The following GRIA1 variants were observed in gnomAD, a reference collection of about 807,000 sequenced individuals.
GRIA1 encodes glutamate ionotropic receptor AMPA type subunit 1.
GRIA1 carries 31 observed loss-of-function variants against 99.2 expected under a neutral mutation model. The observed-to-expected ratio is 0.31, with a 90% CI of 0.23 to 0.42. The LOEUF is 0.42. Ranked by LOEUF, GRIA1 falls within the 10% of genes least tolerant of loss-of-function variation. The pLI, the probability that GRIA1 is intolerant of heterozygous loss-of-function variation, is 1.00. For missense variants in GRIA1, 782 were observed against 1,157.5 expected, an observed-to-expected ratio of 0.68 and a Z score of 4.71; for synonymous variants, 438 against 432.4, an observed-to-expected ratio of 1.01 and a Z score of -0.16.
At position 153,802,436 on chromosome 5, in the gene GRIA1, G is replaced by C. The variant is rs778802680; in HGVS notation, c.2466G>C (p.Leu822=). 1.9e-6 allele frequency: 3 copies of C among 1,613,974 alleles called. No individual in the cohort carries two copies. Among genetic ancestry groups the C allele is most frequent in the East Asian group, 4.5e-5 (2 of 44,858 alleles). ...ILIGGLGLAM[L]VALIEFCYKS... ...TCGGAGGACTTGGACTAGCCATGCT[G>C]GTTGCCTTAATCGAGTTCTGCTACA... Residue 822 remains leucine, a synonymous_variant, in exon 15 of 16, where the codon CTG becomes CTC. Transcript: ENST00000285900.
intron 2 of GRIA1, among the ~76,000 whole-genome samples, chr5:153,540,239 T>C (rs1758949029): frequency 6.6e-6 from 1 of 152,156 alleles, no homozygotes; most frequent in African/African-American, 2.4e-5. Context: ...CTTAGCGAGA[T>C]CTCTTGCAAA....
chr5:153,771,069 T>C (rs1763855229), intron 13 of GRIA1, among the ~76,000 whole-genome samples: 1 of 152,192 alleles, frequency 6.6e-6, no homozygotes, highest in African/African-American at 2.4e-5. Context: ...CCTGTAGACA[T>C]GGAGTCACAA....
At position 153,515,434 on chromosome 5, in the gene GRIA1, G is replaced by A. The variant is rs564829727; in HGVS notation, c.220+21369G>A. Among the ~76,000 whole-genome samples the A allele has an allele frequency of 9.2e-5, 14 of 152,272 alleles. 1 individual carries two copies. Among genetic ancestry groups the A allele is most frequent in the South Asian group, 2.1e-4 (1 of 4,822 alleles). On this transcript the variant is annotated intron_variant, in intron 2 of 15. Coordinates refer to ENST00000285900, the MANE Select transcript of GRIA1 (RefSeq NM_000827.4). ...TGTGAAATCTAAAAGCATCAAACTC[G>A]TAGAAGTAAAGAGTAGAATGGTGGT...
At chr5:153,549,749 C>A (rs1759958258) in intron 2 of GRIA1, among the ~76,000 whole-genome samples, 1 of 114,046 alleles carries the variant, frequency 8.8e-6, no homozygotes, top group African/African-American at 2.7e-5. Flanking sequence ...TCTAGAAATT[C>A]CAAGAAGATC....
chr5:153,651,294 C>T (rs2963947), intron 4 of GRIA1, among the ~76,000 whole-genome samples: 61,622 of 151,870 alleles, frequency 0.41, 13,191 homozygotes, highest in Non-Finnish European at 0.45. Context: ...CATTGTTTCC[C>T]TGAACATGCC....
At chr5:153,766,185 G>A (rs1430616889) in intron 12 of GRIA1, among the ~76,000 whole-genome samples, 1 of 152,182 alleles carries the variant, frequency 6.6e-6, no homozygotes, top group African/African-American at 2.4e-5. Context: ...AGAGCAGGAA[G>A]GTGCCTTAGA....
Position 153,705,692 on chromosome 5 carries a change from T to A in GRIA1, c.1453-5T>A. 1 of 1,262,230 alleles carries A rather than the reference T, an allele frequency of 7.9e-7. No individual in the cohort carries two copies. Among genetic ancestry groups the A allele is most frequent in the Non-Finnish European group, 1.0e-6 (1 of 981,074 alleles). The allele number at this position is 1,262,230 out of a possible 1,614,324, so 78.2% of individuals were successfully genotyped here. A position where few individuals can be genotyped will look rare whatever the true frequency, so the allele number is the denominator to read the frequency against. On this transcript the variant is annotated splice_polypyrimidine_tract_variant and splice_region_variant and intron_variant, in intron 10 of 15. Transcript: ENST00000285900. ...TTTTTTTTTTTTTTTTTTTTTTTTT[T>A]TCAGAGAGCAGATGTGGCTGTGGCT...
chr5:153,521,162 A>G (rs1271393047), intron 2 of GRIA1, among the ~76,000 whole-genome samples: 1 of 152,230 alleles, frequency 6.6e-6, no homozygotes, highest in Non-Finnish European at 1.5e-5. Flanking sequence ...GCTTGGCATG[A>G]AGGATGGAAA....
chr5:153,633,055 G>T (rs1238769854), intron 2 of GRIA1, among the ~76,000 whole-genome samples: 2 of 152,162 alleles, frequency 1.3e-5, no homozygotes, highest in African/African-American at 2.4e-5. Context: ...ATCTATGTGG[G>T]TGGGGCCTCA....
At chr5:153,802,214 A>G in intron 14 of GRIA1, 142 bp from the exon 15 acceptor site, 1 of 656,880 alleles carries the variant, frequency 1.5e-6, no homozygotes, top group Non-Finnish European at 2.7e-6. Context: ...ATGAATAAAT[A>G]GCCTATCCAG....
intron 13 of GRIA1, among the ~76,000 whole-genome samples, chr5:153,779,070 T>A (rs1764467169): frequency 6.6e-6 from 1 of 152,206 alleles, no homozygotes. Flanking sequence ...TTAAACCAAC[T>A]GTGCCATAAG....
intron 13 of GRIA1, among the ~76,000 whole-genome samples, chr5:153,776,859 A>T (rs1764287348): frequency 6.6e-6 from 1 of 152,208 alleles, no homozygotes; most frequent in Admixed American, 6.5e-5. Context: ...CTGGGACGAT[A>T]AAACATGCTT....
At chr5:153,530,199 G>A (rs1159221352) in intron 2 of GRIA1, among the ~76,000 whole-genome samples, 1 of 152,168 alleles carries the variant, frequency 6.6e-6, no homozygotes, top group Non-Finnish European at 1.5e-5. Flanking sequence ...GCCACAGAAA[G>A]GTTAAATAGC....
intron 2 of GRIA1, among the ~76,000 whole-genome samples, chr5:153,598,175 T>C (rs1764587637): frequency 6.6e-6 from 1 of 151,894 alleles, no homozygotes; most frequent in African/African-American, 2.4e-5. Context: ...TTATATATTA[T>C]GGCAATTATA....
chr5:153,536,957 G>C (rs957032467), intron 2 of GRIA1, among the ~76,000 whole-genome samples: 10 of 152,088 alleles, frequency 6.6e-5, no homozygotes, highest in Non-Finnish European at 2.9e-5. Context: ...ACAGACCTTG[G>C]GTGAGTTAGT....
intron 2 of GRIA1, among the ~76,000 whole-genome samples, chr5:153,583,035 C>A (rs1331742709): frequency 6.6e-6 from 1 of 152,034 alleles, no homozygotes; most frequent in Non-Finnish European, 1.5e-5. Flanking sequence ...TGACCTCAAG[C>A]AATTCTCCCA....
In GRIA1 at chr5:153,764,246, C is replaced by T. The variant is rs531426291; in HGVS notation, c.1824-188C>T. Among the ~76,000 whole-genome samples the T allele has an allele frequency of 1.1e-4, 16 of 152,220 alleles. No homozygotes were observed. The South Asian group carries it at 1.2e-3, about 12-fold the overall frequency. Reference sequence around the variant, plus strand: ...GACAGCAACCCCACAGATCCATGTCCGTAATAAGGAACAAAATATGGAGTC... The same window carrying T: ...GACAGCAACCCCACAGATCCATGTCTGTAATAAGGAACAAAATATGGAGTC... On this transcript the variant is annotated intron_variant, in intron 11 of 15. Coordinates refer to ENST00000285900, the MANE Select transcript of GRIA1 (RefSeq NM_000827.4).
At chr5:153,579,180 C>T (rs1762829871) in intron 2 of GRIA1, among the ~76,000 whole-genome samples, 2 of 152,180 alleles carry the variant, frequency 1.3e-5, no homozygotes, top group Non-Finnish European at 2.9e-5. Context: ...TTCCCCAAAG[C>T]TCTGACTCCT....
intron 2 of GRIA1, among the ~76,000 whole-genome samples, chr5:153,565,217 G>A (rs148038137): frequency 8.2e-4 from 125 of 152,192 alleles, no homozygotes; most frequent in African/African-American, 2.9e-3. Context: ...ACCTGTGATC[G>A]TATAAGAAAG....
Sources: gnomAD v4.1 joint callset for allele counts (sites outside exome capture counted in the v4.1 genomes callset) on GRCh38, gnomAD v4.1.1 for gene constraint, MANE v1.5 for transcripts, NCBI Gene and HGNC (gene_info 2026-07-23, HGNC 2026-07-21) for gene names.